Variants in ARHGAP25 observed in about 807,000 individuals in gnomAD.
ARHGAP25 encodes rho GTPase-activating protein 25.
A neutral mutation model predicts 71.0 loss-of-function variants in ARHGAP25; 34 were observed. The observed-to-expected ratio is 0.48, with a 90% CI of 0.36 to 0.64. ARHGAP25 has a LOEUF of 0.64. Ranked by LOEUF, ARHGAP25 falls within the 30% of genes least tolerant of loss-of-function variation. The pLI is 0.00. For missense variants in ARHGAP25, 706 were observed against 805.1 expected, an observed-to-expected ratio of 0.88 and a Z score of 1.49; for synonymous variants, 282 against 296.5, an observed-to-expected ratio of 0.95 and a Z score of 0.50.
At chr2:68,743,995 A>G (rs1407713892) in intron 1 of ARHGAP25, among the ~76,000 whole-genome samples, 1 of 151,906 alleles carries the variant, frequency 6.6e-6, no homozygotes, top group Non-Finnish European at 1.5e-5. Context: ...TTAAACCTGG[A>G]GTCATTATTC....
chr2:68,818,256 G>A (rs143108494), intron 8 of ARHGAP25, among the ~76,000 whole-genome samples: 190 of 152,302 alleles, frequency 1.2e-3, no homozygotes, highest in African/African-American at 4.4e-3. Context: ...GCTAGTGTTT[G>A]TCAGTCTTTT....
intron 3 of ARHGAP25, among the ~76,000 whole-genome samples, chr2:68,786,536 T>C (rs1490711379): frequency 6.6e-6 from 1 of 152,202 alleles, no homozygotes; most frequent in East Asian, 1.9e-4. Flanking sequence ...TCCTAGAGGG[T>C]CTTTTTGTTC....
chr2:68,751,016 C>T (rs528031021), intron 1 of ARHGAP25, among the ~76,000 whole-genome samples: 13 of 152,302 alleles, frequency 8.5e-5, no homozygotes, highest in South Asian at 4.1e-4. Flanking sequence ...TTATTTCACC[C>T]GCTTTAAGCA....
chr2:68,715,198 G>A (rs1309329877), intron 2 of ARHGAP25, among the ~76,000 whole-genome samples: 1 of 152,156 alleles, frequency 6.6e-6, no homozygotes, highest in Non-Finnish European at 1.5e-5. Context: ...AGTGGTTCTC[G>A]AACTGGAATC....
chr2:68,766,740 C>A (rs967770417), intron 1 of ARHGAP25, among the ~76,000 whole-genome samples: 2 of 151,890 alleles, frequency 1.3e-5, no homozygotes, highest in African/African-American at 2.4e-5. Flanking sequence ...CTCTTGTTCT[C>A]ACTCTCTGTC....
At chr2:68,782,572 G>A (rs1044278734) in intron 3 of ARHGAP25, among the ~76,000 whole-genome samples, 3 of 152,200 alleles carry the variant, frequency 2.0e-5, no homozygotes, top group African/African-American at 4.8e-5. Context: ...CATTTCATGA[G>A]CGTGTGCTAG....
chr2:68,821,459 A>G (rs1384222395), intron 9 of ARHGAP25, among the ~76,000 whole-genome samples: 1 of 152,048 alleles, frequency 6.6e-6, no homozygotes, highest in Non-Finnish European at 1.5e-5. Context: ...CTCCTTTTGT[A>G]CTCAGGCAGA....
At chr2:68,805,283 T>C (rs942644379) in intron 4 of ARHGAP25, among the ~76,000 whole-genome samples, 3 of 152,020 alleles carry the variant, frequency 2.0e-5, no homozygotes, top group African/African-American at 7.3e-5. Context: ...TGCCAAGCCT[T>C]GAGGAATGCC....
chr2:68,775,224 G>T lies in ARHGAP25; in HGVS notation c.65G>T (p.Arg22Leu). ...GCCTGTCTGTTCCTCTCTATAGCTC[G>T]GTCAAGGAGTGTGATGACTGGCGAG... is the stretch of plus-strand genomic sequence containing the variant. Reference protein sequence around the residue: ...NLKVEAAKIARSRSVMTGEQM... With the variant: ...NLKVEAAKIALSRSVMTGEQM... The change falls in exon 2 of 11, where the codon CGG (arginine) becomes CTG (leucine). Residue 22 changes from arginine (R) to leucine (L), a missense_variant. Transcript: ENST00000409202. The T allele has an allele frequency of 1.9e-6, 3 of 1,614,228 alleles. No individual in the cohort carries two copies. Among genetic ancestry groups the T allele is most frequent in the Non-Finnish European group, 2.5e-6 (3 of 1,180,044 alleles).
intron 1 of ARHGAP25, among the ~76,000 whole-genome samples, chr2:68,742,609 A>G (rs1186768770): frequency 6.6e-6 from 1 of 152,248 alleles, no homozygotes. Flanking sequence ...CATAAACACT[A>G]GTAATTATCA....
rs2104331349 is a variant in ARHGAP25 at position 68,756,908 on chromosome 2, T to C, written c.62-18313T>C. Among the ~76,000 whole-genome samples the C allele has an allele frequency of 1.3e-5, 2 of 151,670 alleles. 1 individual carries two copies. ...AGATGCTTAAAAAACTGAAGGAAAA[T>C]TTGGAGAAAGTCAAGAAAATGGTGT... On this transcript the variant is annotated intron_variant, in intron 1 of 10. Transcript: ENST00000409202.
chr2:68,745,906 G>A lies in ARHGAP25; in HGVS notation c.61+10646G>A, dbSNP rs187671644. 6.7e-3 allele frequency among the ~76,000 whole-genome samples: 1,021 copies of A among 152,310 alleles called. 12 individuals carry two copies. The highest frequency in any genetic ancestry group is 8.3e-3 in the Non-Finnish European group (566 of 68,038). On this transcript the variant is annotated intron_variant, in intron 1 of 10. Coordinates refer to ENST00000409202, the MANE Select transcript of ARHGAP25 (RefSeq NM_001007231.3). ...GAAAGGGATGGGAGGGCAAAAGGGA[G>A]GAGTGCCGTGACCTCACATTATGGA...
At chr2:68,795,487 A>C (rs899255796) in intron 4 of ARHGAP25, among the ~76,000 whole-genome samples, 3 of 152,122 alleles carry the variant, frequency 2.0e-5, no homozygotes, top group Admixed American at 2.0e-4. Context: ...TGTTTAAAAA[A>C]TTTTTAGATT....
intron 1 of ARHGAP25, among the ~76,000 whole-genome samples, chr2:68,765,758 G>T (rs1406489846): frequency 6.6e-6 from 1 of 152,142 alleles, no homozygotes; most frequent in East Asian, 1.9e-4. Context: ...TTTTTATCAG[G>T]TTGTAGAATA....
intron 5 of ARHGAP25, among the ~76,000 whole-genome samples, chr2:68,810,728 TCTC>T (rs774386953): frequency 0.35 from 7,240 of 20,442 alleles, 256 homozygotes; most frequent in East Asian, 0.48. Context: ...TTTCTTTTCT[TCTC>T]TTTTTTTTTT....
chr2:68,719,870 C>T (rs1298224641), intron 2 of ARHGAP25, among the ~76,000 whole-genome samples: 1 of 152,158 alleles, frequency 6.6e-6, no homozygotes, highest in Non-Finnish European at 1.5e-5. Flanking sequence ...AGCCTCTGAC[C>T]TTCTCTTGGT....
At chr2:68,772,749 G>C (rs1677569638) in intron 1 of ARHGAP25, among the ~76,000 whole-genome samples, 1 of 152,190 alleles carries the variant, frequency 6.6e-6, no homozygotes, top group African/African-American at 2.4e-5. Flanking sequence ...CTTAGAGCAA[G>C]TGATCAGCCC....
intron 3 of ARHGAP25, 106 bp downstream of exon 3, chr2:68,782,426 T>C: frequency 2.0e-6 from 2 of 976,258 alleles, no homozygotes; most frequent in Non-Finnish European, 3.2e-6. Context: ...TTCAACTAAC[T>C]AACCAACCAG....
chr2:68,813,626 A>C (rs902296415), intron 6 of ARHGAP25, among the ~76,000 whole-genome samples: 3 of 152,242 alleles, frequency 2.0e-5, no homozygotes, highest in Non-Finnish European at 2.9e-5. Flanking sequence ...CCAATAAAGA[A>C]TTGGACCATA....
Sources: allele counts gnomAD v4.1 joint callset (sites outside exome capture counted in the v4.1 genomes callset), GRCh38; gene constraint gnomAD v4.1.1; transcripts MANE v1.5; gene names NCBI Gene and HGNC (gene_info 2026-07-23, HGNC 2026-07-21).